Variants in FLG observed in about 807,000 individuals in gnomAD.
The protein encoded by FLG is filaggrin.
In FLG, 6 loss-of-function variants were observed where a neutral mutation model predicts 3.8. The observed-to-expected ratio is 1.60, with a 90% CI of 0.87 to 3.15. The LOEUF is 3.15. FLG is among the 30% of genes most tolerant of loss of function. The pLI is 0.00. For missense variants in FLG, 7,595 were observed against 5,050.9 expected (o/e 1.50, Z -15.27); for synonymous variants, 2,551 against 1,931.6 (o/e 1.32, Z -8.41).
intron 1 of FLG, among the ~76,000 whole-genome samples, chr1:152,324,222 G>A (rs1484440215): frequency 6.6e-6 from 1 of 151,828 alleles, no homozygotes; most frequent in Non-Finnish European, 1.5e-5. Context: ...GCAGCCCAGA[G>A]TGGTCTTTTA....
Position 152,311,980 on chromosome 1 carries a change from T to G in FLG, c.2906A>C (p.Asn969Thr), listed in dbSNP as rs3120651. 14,598 of 1,613,644 alleles carry G rather than the reference T, an allele frequency of 9.0e-3. 125 individuals are homozygous for G. In the African/African-American group the frequency reaches 0.17, roughly 18 times the overall value. The change falls in exon 3 of 3, where the codon AAC becomes ACC. Residue 969 changes from asparagine to threonine, a missense_variant. Asn to Thr is a moderately conservative substitution (Grantham distance 65). Transcript: ENST00000368799. ...SERWSGSASR[N>T]HRGSAQEQSR... is the part of the protein sequence containing the mutation. ...CTGCTCCTGAGCAGATCCACGATGG[T>G]TTCTGGAAGCAGACCCAGACCACCT...
chr1:152,310,208 G>A lies in FLG; in HGVS notation c.4678C>T (p.Arg1560Cys), dbSNP rs151103850. 63,632 of 1,613,778 alleles carry A rather than the reference G, an allele frequency of 0.039. 1,536 individuals are homozygous for A. The highest frequency in any genetic ancestry group is 0.045 in the Non-Finnish European group (53,218 of 1,179,966). Residue 1560 changes from arginine to cysteine, a missense_variant, in exon 3 of 3, where the codon CGT becomes TGT. Coordinates refer to ENST00000368799, the MANE Select transcript of FLG (RefSeq NM_002016.2). ...SGDGSRHSGS[R>C]HHEPSTRAGS... is the part of the protein sequence containing the mutation. Reference sequence around the variant, plus strand: ...GCCCGAGTGGAAGGTTCATGGTGACGTGACCCTGAGTGCCTGGAGCCGTCT... The same window carrying A: ...GCCCGAGTGGAAGGTTCATGGTGACATGACCCTGAGTGCCTGGAGCCGTCT...
chr1:152,304,393 C>A lies in FLG; in HGVS notation c.10493G>T (p.Gly3498Val), dbSNP rs1438063333. The change falls in exon 3 of 3, where the codon GGC becomes GTC. Residue 3498 changes from glycine (G) to valine (V), a missense_variant. Gly to Val is a moderately radical substitution (Grantham distance 109). Transcript: ENST00000368799. Reference sequence around the variant, plus strand: ...GTGATGCGACCATGAGTGCCTGGAGCCATCTCCTGATTGTTCGTCATTACG... The same window carrying A: ...GTGATGCGACCATGAGTGCCTGGAGACATCTCCTGATTGTTCGTCATTACG... ...QTRNDEQSGD[G>V]SRHSWSHHHE... 6.2e-6 allele frequency: 10 copies of A among 1,611,840 alleles called. No homozygotes were observed. The Admixed American group carries it at 6.7e-5, about 11-fold the overall frequency.
In FLG at chr1:152,312,772, C is replaced by T. The variant is rs1367631501; in HGVS notation, c.2114G>A (p.Gly705Glu). The change falls in exon 3 of 3, where the codon GGA (glycine) becomes GAA (glutamate). Residue 705 changes from glycine to glutamate, a missense_variant. Gly to Glu is a moderately conservative substitution (Grantham distance 98). Coordinates refer to ENST00000368799, the MANE Select transcript of FLG (RefSeq NM_002016.2). The part of the protein sequence containing the change: ...SSHEQARSSA[G>E]ERHGSRHQLQ... Reference sequence around the variant, plus strand: ...CTGGTGGCGGGATCCATGTCTTTCTCCTGCACTTGATCTTGCCTGTTCATG... The same window carrying T: ...CTGGTGGCGGGATCCATGTCTTTCTTCTGCACTTGATCTTGCCTGTTCATG... 1.2e-5 allele frequency: 20 copies of T among 1,613,824 alleles called. No homozygotes were observed. Among genetic ancestry groups the T allele is most frequent in the Non-Finnish European group, 1.7e-5 (20 of 1,180,024 alleles).
Position 152,313,782 on chromosome 1 carries a change from C to G in FLG, c.1104G>C (p.Gln368His). The change falls in exon 3 of 3, where the codon CAG becomes CAC. Residue 368 changes from glutamine to histidine, a missense_variant. Physicochemically the swap from Gln to His is conservative, Grantham distance 24 (BLOSUM62 0). Coordinates refer to ENST00000368799, the MANE Select transcript of FLG (RefSeq NM_002016.2). ...TTGCCTGTTCATGGGATGATGCAGT[C>G]TGTCCACGAGAGGAAGTCTCTGCGT... ...TRHAETSSRG[Q>H]TASSHEQARS... The G allele has an allele frequency of 6.2e-7, 1 of 1,614,156 alleles. No homozygotes were observed. The highest frequency in any genetic ancestry group is 8.5e-7 in the Non-Finnish European group (1 of 1,180,016).
In FLG at chr1:152,309,070, G is replaced by T; in HGVS notation, c.5816C>A (p.Ser1939Tyr). The T allele has an allele frequency of 6.2e-7, 1 of 1,614,106 alleles. No homozygotes were observed. Among genetic ancestry groups the T allele is most frequent in the South Asian group, 1.1e-5 (1 of 91,074 alleles). Residue 1939 changes from serine to tyrosine, a missense_variant, in exon 3 of 3, where the codon TCC becomes TAC. Ser to Tyr is a moderately radical substitution (Grantham distance 144). Coordinates refer to ENST00000368799, the MANE Select transcript of FLG (RefSeq NM_002016.2). ...CCAAGCAGATCCAAGATGGTTTCTG[G>T]AAGCAGACCCAGACCACCTCTCAGA... ...EDSERWSGSA[S>Y]RNHLGSAWEQ...
At position 152,314,285 on chromosome 1, in the gene FLG, T is replaced by G. The variant is rs778734780; in HGVS notation, c.601A>C (p.Ser201Arg). 1.5e-5 allele frequency: 24 copies of G among 1,613,744 alleles called. 1 individual carries two copies. The South Asian group carries it at 2.5e-4, about 17-fold the overall frequency. ...TRLGDNRKRL[S>R]ERLEEKEDNE... ...TCTTCTTTCTCTTCAAGTCTTTCACTTAGCCTCTTCCTATTGTCTCCTAAT... is the reference window on the plus strand; with the variant it reads ...TCTTCTTTCTCTTCAAGTCTTTCACGTAGCCTCTTCCTATTGTCTCCTAAT... The change falls in exon 3 of 3, where the codon AGT (serine) becomes CGT (arginine). Residue 201 changes from serine (S) to arginine (R), a missense_variant. Ser to Arg is a moderately radical substitution (Grantham distance 110). Coordinates refer to ENST00000368799, the MANE Select transcript of FLG (RefSeq NM_002016.2).
intron 2 of FLG, 68 bp downstream of exon 2, chr1:152,315,247 AAAAT>A (rs1208071864): frequency 7.0e-7 from 1 of 1,423,120 alleles, no homozygotes; most frequent in African/African-American, 1.4e-5. Flanking sequence ...CAAAGAGCTC[AAAAT>A]AACCCTTGCT....
At chr1:152,318,947 C>T (rs1053706900) in intron 1 of FLG, among the ~76,000 whole-genome samples, 6 of 151,680 alleles carry the variant, frequency 4.0e-5, no homozygotes, top group Non-Finnish European at 7.4e-5. Flanking sequence ...GTAGAGGGGA[C>T]ATTTGAACTT....
At position 152,312,730 on chromosome 1, in the gene FLG, C is replaced by T. The variant is rs745434771; in HGVS notation, c.2156G>A (p.Ser719Asn). The change falls in exon 3 of 3, where the codon AGC becomes AAC. Residue 719 changes from serine to asparagine, a missense_variant. By Grantham distance (46) the Ser-to-Asn change is conservative. Coordinates refer to ENST00000368799, the MANE Select transcript of FLG (RefSeq NM_002016.2). ...GSRHQLQSADSSRHSGTGHGQ... is the reference protein window; with the variant it reads ...GSRHQLQSADNSRHSGTGHGQ... ...GTGCCCAGTGCCTGAGTGTCTGGAG[C>T]TGTCTGCTGACTGGAGCTGGTGGCG... 2 of 1,613,934 alleles carry T rather than the reference C, an allele frequency of 1.2e-6. No individual in the cohort carries two copies. Among genetic ancestry groups the T allele is most frequent in the Non-Finnish European group, 1.7e-6 (2 of 1,180,040 alleles).
chr1:152,313,435 C>T lies in FLG; in HGVS notation c.1451G>A (p.Arg484Gln), dbSNP rs369474474. The T allele has an allele frequency of 1.8e-5, 29 of 1,613,688 alleles. No individual in the cohort carries two copies. Among genetic ancestry groups the T allele is most frequent in the Admixed American group, 8.3e-5 (5 of 59,980 alleles). ...THEQPDSAHG[R>Q]TGTSTGGRQG... ...TCTTCCTCCAGTGCTGGTCCCGGTC[C>T]GTCCATGGGCAGAGTCAGGCTGTTC... The change falls in exon 3 of 3, where the codon CGG (arginine) becomes CAG (glutamine). Residue 484 changes from arginine (R) to glutamine (Q), a missense_variant. Physicochemically the swap from Arg to Gln is conservative, Grantham distance 43 (BLOSUM62 1). Coordinates refer to ENST00000368799, the MANE Select transcript of FLG (RefSeq NM_002016.2).
chr1:152,304,064 C>A lies in FLG; in HGVS notation c.10822G>T (p.Gly3608Cys). The A allele has an allele frequency of 6.2e-7, 1 of 1,612,864 alleles. No individual in the cohort carries two copies. The highest frequency in any genetic ancestry group is 8.5e-7 in the Non-Finnish European group (1 of 1,179,924). ...TCATGGGATGATGCAGCCTGTCCACCAGAGGAATTCTCTGCATGATGAGTG... is the reference window on the plus strand; with the variant it reads ...TCATGGGATGATGCAGCCTGTCCACAAGAGGAATTCTCTGCATGATGAGTG... ...SGTHHAENSS[G>C]GQAASSHEQA... Residue 3608 changes from glycine to cysteine, a missense_variant, in exon 3 of 3, where the codon GGT (glycine) becomes TGT (cysteine). Coordinates refer to ENST00000368799, the MANE Select transcript of FLG (RefSeq NM_002016.2).
rs569107373 is a variant in FLG at position 152,311,865 on chromosome 1, A to T, written c.3021T>A (p.Thr1007=). 4.0e-5 allele frequency: 64 copies of T among 1,613,978 alleles called. No homozygotes were observed. In the South Asian group the frequency reaches 6.9e-4, roughly 17 times the overall value. ...HSADSSRQSG[T]PHAETSSGGQ... ...CACCAGAGGAAGTCTCTGCGTGAGG[A>T]GTTCCTGATTGTCTGGAGCTGTCTG... The change falls in exon 3 of 3, where the codon ACT becomes ACA. Residue 1007 remains threonine (T), a synonymous_variant. Coordinates refer to ENST00000368799, the MANE Select transcript of FLG (RefSeq NM_002016.2).
chr1:152,314,328 G>T lies in FLG; in HGVS notation c.558C>A (p.Asn186Lys), dbSNP rs769231084. 1.4e-5 allele frequency: 22 copies of T among 1,611,814 alleles called. No homozygotes were observed. The highest frequency in any genetic ancestry group is 1.8e-5 in the Non-Finnish European group (21 of 1,179,346). ...CTCCTAATCTAGTATTTTCAGTCTT[G>T]TTTTTCTCTTTTTTACTTGAGTTAT... ...NHHNSSKKEK[N>K]KTENTRLGDN... Residue 186 changes from asparagine to lysine, a missense_variant, in exon 3 of 3, where the codon AAC (asparagine) becomes AAA (lysine). Transcript: ENST00000368799.
chr1:152,310,459 C>A lies in FLG; in HGVS notation c.4427G>T (p.Ser1476Ile). 2.5e-6 allele frequency: 4 copies of A among 1,613,676 alleles called. No homozygotes were observed. The highest frequency in any genetic ancestry group is 3.4e-6 in the Non-Finnish European group (4 of 1,179,830). Residue 1476 changes from serine (S) to isoleucine (I), a missense_variant, in exon 3 of 3, where the codon AGC (serine) becomes ATC (isoleucine). Physicochemically the swap from Ser to Ile is moderately radical, Grantham distance 142. Coordinates refer to ENST00000368799, the MANE Select transcript of FLG (RefSeq NM_002016.2). Reference sequence around the variant, plus strand: ...GTCTTGGGATGCTGAGTGCCTAGAGCTGTTTCGTGCCTGCTCATGGCGGGA... The same window carrying A: ...GTCTTGGGATGCTGAGTGCCTAGAGATGTTTCGTGCCTGCTCATGGCGGGA... Reference protein sequence around the residue: ...QGSRHEQARNSSRHSASQDGQ... With the variant: ...QGSRHEQARNISRHSASQDGQ...
Position 152,302,674 on chromosome 1 carries a change from G to T in FLG, c.*26C>A. 6.2e-7 allele frequency: 1 copy of T among 1,611,356 alleles called. No individual in the cohort carries two copies. Among genetic ancestry groups the T allele is most frequent in the Non-Finnish European group, 8.5e-7 (1 of 1,178,458 alleles). On this transcript the variant is annotated 3_prime_UTR_variant, in exon 3 of 3. Coordinates refer to ENST00000368799, the MANE Select transcript of FLG (RefSeq NM_002016.2). ...GAACTTGCTTCATTCTTCTATTCTT[G>T]GATTAATTCCTTTGCCATTAATTTC... is the stretch of plus-strand genomic sequence containing the variant.
At position 152,304,742 on chromosome 1, in the gene FLG, G is replaced by A. The variant is rs147066553; in HGVS notation, c.10144C>T (p.Arg3382Cys). 110 of 1,613,388 alleles carry A rather than the reference G, an allele frequency of 6.8e-5. No individual in the cohort carries two copies. Among genetic ancestry groups the A allele is most frequent in the African/African-American group, 1.5e-4 (11 of 74,832 alleles). ...ACCTGGTAGAGGAAAGACCCTGAAC[G>A]TCCAGACCTTCCCCCTGACCGGTCA... Reference protein sequence around the residue: ...ARDRSGGRSGRSGSFLYQVST... With the variant: ...ARDRSGGRSGCSGSFLYQVST... Residue 3382 changes from arginine to cysteine, a missense_variant, in exon 3 of 3, where the codon CGT becomes TGT. Coordinates refer to ENST00000368799, the MANE Select transcript of FLG (RefSeq NM_002016.2).
rs761892041 is a variant in FLG, at chr1:152,308,238, C to G, written c.6648G>C (p.Trp2216Cys). Residue 2216 changes from tryptophan to cysteine, a missense_variant, in exon 3 of 3, where the codon TGG becomes TGC. Trp to Cys is a radical substitution (Grantham distance 215). Transcript: ENST00000368799. ...CCAGTGAGTGTCTAGAGCTGTCGGC[C>G]CAAGAGGAAGCTTCATGATGATGCG... ...SGSHHHEASSWADSSRHSLVG... is the reference protein window; with the variant it reads ...SGSHHHEASSCADSSRHSLVG... 15 of 1,613,814 alleles carry G rather than the reference C, an allele frequency of 9.3e-6. No individual in the cohort carries two copies. Among genetic ancestry groups the G allele is most frequent in the Non-Finnish European group, 1.3e-5 (15 of 1,179,926 alleles).
chr1:152,315,618 TTTCTC>T, intron 1 of FLG, 141 bp from the exon 2 acceptor site: 2 of 636,132 alleles, frequency 3.1e-6, no homozygotes, highest in East Asian at 6.0e-5. Flanking sequence ...ATGAGAAACT[TTTCTC>T]TACCATCTAC....
Sources: gnomAD v4.1 joint callset for allele counts (sites outside exome capture counted in the v4.1 genomes callset) on GRCh38, gnomAD v4.1.1 for gene constraint, MANE v1.5 for transcripts, NCBI Gene and HGNC (gene_info 2026-07-23, HGNC 2026-07-21) for gene names.